The following EPB41 variants were observed in gnomAD, a reference collection of about 807,000 sequenced individuals.
EPB41 encodes erythrocyte membrane protein band 4.1.
A neutral mutation model predicts 108.0 loss-of-function variants in EPB41; 65 were observed. The ratio of observed to expected loss-of-function variants is 0.60; its 90% CI spans 0.49 to 0.74. EPB41 has a LOEUF of 0.74. Ranked by LOEUF, EPB41 falls within the 30% of genes least tolerant of loss-of-function variation. EPB41 has a pLI of 0.00. For synonymous variants in EPB41, 336 were observed against 358.9 expected (o/e 0.94, Z 0.72); for missense variants, 875 against 1,037.0 (o/e 0.84, Z 2.15).
At chr1:29,069,021 G>T in intron 16 of EPB41, 1 of 751,406 alleles carries the variant, frequency 1.3e-6, no homozygotes. Flanking sequence ...GCTGCATGAA[G>T]ATATAAATAT....
chr1:29,093,127 C>G (rs1164321368), intron 16 of EPB41, among the ~76,000 whole-genome samples: 4 of 152,214 alleles, frequency 2.6e-5, no homozygotes, highest in Non-Finnish European at 5.9e-5. Context: ...GGAATCACCA[C>G]ACTGCTTTCC....
In EPB41 at chr1:29,088,045, C is replaced by CTTT. The variant is rs750809586; in HGVS notation, c.2185-9757_2185-9755dup. Among the ~76,000 whole-genome samples, 22 of 131,582 alleles carry CTTT rather than the reference C, an allele frequency of 1.7e-4. 2 individuals carry two copies. The highest frequency in any genetic ancestry group is 2.3e-4 in the Admixed American group (3 of 13,158). 86.3% of individuals were successfully genotyped at this position (131,582 alleles called of 152,430 possible). On this transcript the variant is annotated intron_variant, in intron 16 of 20. Transcript: ENST00000343067. The stretch of plus-strand genomic sequence containing the variant: ...CATCTTTTTTCCTTTTTCTTTTTTT[C>CTTT]TTTTTTTCTTTTTTTTTTGAGATGG...
intron 18 of EPB41, among the ~76,000 whole-genome samples, chr1:29,112,041 A>G (rs545246426): frequency 6.6e-6 from 1 of 152,184 alleles, no homozygotes; most frequent in African/African-American, 2.4e-5. Context: ...ACAAGGGAGT[A>G]GAAGTAGCAG....
At chr1:29,026,358 G>A (rs1290183715) in intron 7 of EPB41, among the ~76,000 whole-genome samples, 2 of 152,166 alleles carry the variant, frequency 1.3e-5, no homozygotes, top group Non-Finnish European at 2.9e-5. Flanking sequence ...ATGTGAACTT[G>A]TGGTTTCCAA....
intron 1 of EPB41, among the ~76,000 whole-genome samples, chr1:28,888,723 A>G (rs529171986): frequency 1.3e-5 from 2 of 152,080 alleles, no homozygotes; most frequent in Admixed American, 6.5e-5. Flanking sequence ...CGCCTCCCGG[A>G]TTCACGCCAT....
At chr1:28,965,594 C>G (rs533792613) in intron 1 of EPB41, among the ~76,000 whole-genome samples, 1 of 151,236 alleles carries the variant, frequency 6.6e-6, no homozygotes, top group African/African-American at 2.4e-5. Flanking sequence ...ATTTTTTTTT[C>G]AGAGCACATA....
At chr1:28,903,322 C>CTTTTTTTTTTTTTTTTTTTTT (rs1469847584) in intron 1 of EPB41, among the ~76,000 whole-genome samples, 4 of 144,414 alleles carry the variant, frequency 2.8e-5, no homozygotes, top group Admixed American at 6.9e-5. Flanking sequence ...TTTTTCTTTT[C>CTTTTTTTTTTTTTTTTTTTTT]TTTCTTTTTT....
In EPB41 at chr1:29,097,795, A is replaced by ACTG; in HGVS notation, c.2185-9_2185-7dup. 6.2e-7 allele frequency: 1 copy of ACTG among 1,613,702 alleles called. No individual in the cohort carries two copies. Among genetic ancestry groups the ACTG allele is most frequent in the South Asian group, 1.1e-5 (1 of 91,074 alleles). ...GAAATACTCTAGTAACTCTTTCCTT[A>ACTG]CTGCTTCACAGCCTCCCCTGGTGAA... On this transcript the variant is annotated splice_polypyrimidine_tract_variant and intron_variant, in intron 16 of 20. Coordinates refer to ENST00000343067, the MANE Select transcript of EPB41 (RefSeq NM_001376013.1).
rs2095660214 is a variant in EPB41 at position 28,978,498 on chromosome 1, C to T, written c.-7-8933C>T. Among the ~76,000 whole-genome samples, 2 of 151,426 alleles carry T rather than the reference C, an allele frequency of 1.3e-5. 1 individual carries two copies. Among genetic ancestry groups the T allele is most frequent in the African/African-American group, 4.9e-5 (2 of 40,870 alleles). On this transcript the variant is annotated intron_variant, in intron 1 of 20. Coordinates refer to ENST00000343067, the MANE Select transcript of EPB41 (RefSeq NM_001376013.1). ...AAATTAAATATGGTTTAAGGAGATG[C>T]ATATAGATGCCAAGTGGACAAGGGG...
chr1:28,965,290 T>C (rs2095330647), intron 1 of EPB41, among the ~76,000 whole-genome samples: 1 of 152,210 alleles, frequency 6.6e-6, no homozygotes, highest in Non-Finnish European at 1.5e-5. Context: ...GATCTTGTAA[T>C]TCTCATAGGC....
intron 3 of EPB41, among the ~76,000 whole-genome samples, chr1:28,996,851 C>T (rs1202415836): frequency 6.6e-6 from 1 of 152,058 alleles, no homozygotes; most frequent in Non-Finnish European, 1.5e-5. Flanking sequence ...GAAGAAACCT[C>T]AGGCCAGGTG....
At chr1:28,925,694 A>G (rs1482387699) in intron 1 of EPB41, among the ~76,000 whole-genome samples, 3 of 152,206 alleles carry the variant, frequency 2.0e-5, no homozygotes, top group South Asian at 4.1e-4. Flanking sequence ...TATGAGAAAC[A>G]TTGATCCAGC....
At chr1:29,078,119 G>A (rs1204980904) in intron 16 of EPB41, among the ~76,000 whole-genome samples, 1 of 151,986 alleles carries the variant, frequency 6.6e-6, no homozygotes, top group Admixed American at 6.5e-5. Flanking sequence ...TCAGCTATTC[G>A]GGAGACTGAG....
chr1:28,993,568 T>C, intron 3 of EPB41, 26 bp downstream of exon 3: 1 of 1,607,496 alleles, frequency 6.2e-7, no homozygotes, highest in Non-Finnish European at 8.5e-7. Context: ...TTTCCAACAA[T>C]CAGAACTCTT....
At chr1:28,944,008 C>A (rs1393754774) in intron 1 of EPB41, among the ~76,000 whole-genome samples, 1 of 152,162 alleles carries the variant, frequency 6.6e-6, no homozygotes, top group Non-Finnish European at 1.5e-5. Flanking sequence ...TACATATACA[C>A]ATTGGAGTAC....
chr1:28,997,405 T>C (rs759963641), intron 4 of EPB41, 86 bp downstream of exon 4: 4 of 816,744 alleles, frequency 4.9e-6, no homozygotes, highest in Non-Finnish European at 8.6e-6. Flanking sequence ...TACCTGCTTC[T>C]CTAAGCCAGT....
At chr1:29,082,189 A>C (rs1238700279) in intron 16 of EPB41, among the ~76,000 whole-genome samples, 1 of 151,470 alleles carries the variant, frequency 6.6e-6, no homozygotes, top group African/African-American at 2.4e-5. Context: ...CAGTGGTGTG[A>C]TCTCGGCTCA....
chr1:28,937,178 C>T (rs157207), intron 1 of EPB41, among the ~76,000 whole-genome samples: 18,726 of 152,112 alleles, frequency 0.12, 1,588 homozygotes, highest in African/African-American at 0.25. Flanking sequence ...TGTTGAACAC[C>T]TTTTCATGTG....
intron 1 of EPB41, among the ~76,000 whole-genome samples, chr1:28,904,903 C>T (rs1337574896): frequency 2.6e-5 from 4 of 151,508 alleles, no homozygotes; most frequent in South Asian, 2.1e-4. Flanking sequence ...TGGTGGGGGG[C>T]GCCTGTAGTC....
Sources: allele counts gnomAD v4.1 joint callset (sites outside exome capture counted in the v4.1 genomes callset), GRCh38; gene constraint gnomAD v4.1.1; transcripts MANE v1.5; gene names NCBI Gene and HGNC (gene_info 2026-07-23, HGNC 2026-07-21).